The following ACBD6 variants were observed in gnomAD, a reference collection of about 807,000 sequenced individuals.
ACBD6 encodes acyl-CoA binding domain containing 6, also known as acyl-CoA-binding domain-containing protein 6.
Under a neutral mutation model 37.2 loss-of-function variants are expected in ACBD6, and 28 were observed. The ratio of observed to expected loss-of-function variants is 0.75; its 90% CI spans 0.56 to 1.03. The LOEUF (loss-of-function observed/expected upper bound fraction) is 1.03. Among genes scored for constraint, ACBD6 ranks in the 50% least tolerant of loss-of-function variants. The probability of loss-of-function intolerance (pLI) is 0.00; values close to 1 mark genes in which losing one functional copy is unlikely to be tolerated. For synonymous variants in ACBD6, 113 were observed against 126.8 expected (o/e 0.89, Z 0.73); for missense variants, 340 against 337.4 (o/e 1.01, Z -0.06).
chr1:180,408,250 T>C (rs1036258414), intron 5 of ACBD6, among the ~76,000 whole-genome samples: 2 of 152,210 alleles, frequency 1.3e-5, no homozygotes, highest in Non-Finnish European at 2.9e-5. Context: ...ATAGTCATAA[T>C]AATATTAATA....
intron 3 of ACBD6, among the ~76,000 whole-genome samples, chr1:180,477,367 C>T (rs1359221128): frequency 2.0e-5 from 3 of 152,168 alleles, no homozygotes; most frequent in Non-Finnish European, 4.4e-5. Flanking sequence ...AGCATACACA[C>T]AAGCATTAAG....
chr1:180,470,239 A>G (rs1650506832), intron 3 of ACBD6, among the ~76,000 whole-genome samples: 1 of 152,168 alleles, frequency 6.6e-6, no homozygotes, highest in Non-Finnish European at 1.5e-5. Flanking sequence ...ATAAAATCAA[A>G]GACACCCAAC....
intron 3 of ACBD6, among the ~76,000 whole-genome samples, chr1:180,463,678 A>G (rs1373315237): frequency 6.6e-6 from 1 of 152,222 alleles, no homozygotes; most frequent in Admixed American, 6.5e-5. Context: ...AAAAACTGAA[A>G]AGGAGGGAGT....
At chr1:180,419,836 T>G (rs539234337) in intron 4 of ACBD6, among the ~76,000 whole-genome samples, 3 of 152,330 alleles carry the variant, frequency 2.0e-5, no homozygotes, top group Non-Finnish European at 1.5e-5. Flanking sequence ...TCTTGCTGTC[T>G]CAGCACTGGC....
chr1:180,434,670 T>A (rs1648949374), intron 3 of ACBD6: 1 of 403,462 alleles, frequency 2.5e-6, no homozygotes, highest in African/African-American at 2.1e-5. Context: ...CTACCTATGA[T>A]AAGTCACTGC....
In ACBD6 at chr1:180,372,346, C is replaced by T. The variant is rs114753054; in HGVS notation, c.663+25170G>A. Among the ~76,000 whole-genome samples the T allele has an allele frequency of 5.5e-3, 836 of 152,236 alleles. 7 individuals are homozygous for T. The highest frequency in any genetic ancestry group is 0.019 in the African/African-American group (789 of 41,544). On this transcript the variant is annotated intron_variant, in intron 6 of 7. Transcript: ENST00000367595. ...TGAAGTAGATTAAATAAGTTACAGA[C>T]ATCATGACATCTTGTCTCTAAATAT... is the stretch of plus-strand genomic sequence containing the variant.
At chr1:180,453,311 A>C (rs1324236937) in intron 3 of ACBD6, among the ~76,000 whole-genome samples, 1 of 152,256 alleles carries the variant, frequency 6.6e-6, no homozygotes, top group East Asian at 1.9e-4. Context: ...ACCAATGACA[A>C]AAACCACATG....
chr1:180,373,312 T>G (rs1229768555), intron 6 of ACBD6, among the ~76,000 whole-genome samples: 1 of 152,214 alleles, frequency 6.6e-6, no homozygotes, highest in Non-Finnish European at 1.5e-5. Context: ...TTTTAGCACT[T>G]TGCTGCTATT....
chr1:180,473,444 C>T, intron 3 of ACBD6, among the ~76,000 whole-genome samples: 1 of 101,858 alleles, frequency 9.8e-6, no homozygotes, highest in Non-Finnish European at 1.9e-5. Flanking sequence ...GAGACTCCGT[C>T]TCAAAAAAAA....
chr1:180,286,271 C>CT (rs746301839), downstream of ACBD6, among the ~76,000 whole-genome samples: 31 of 152,102 alleles, frequency 2.0e-4, no homozygotes, highest in South Asian at 4.6e-3. Flanking sequence ...AATTTGAAAC[C>CT]TTTAAAATAA....
chr1:180,435,946 G>T, intron 3 of ACBD6: 1 of 1,224,094 alleles, frequency 8.2e-7, no homozygotes, highest in South Asian at 1.2e-5. Flanking sequence ...AAGCATAAAT[G>T]AATACTGTAC....
intron 1 of ACBD6, among the ~76,000 whole-genome samples, chr1:180,495,858 GT>G (rs1651716769): frequency 6.6e-6 from 1 of 152,086 alleles, no homozygotes. Context: ...TTATTACCAT[GT>G]ATAAAGTAAA....
rs944506984 is a variant in ACBD6, at chr1:180,300,397, A to G, written c.695-11880T>C. Among the ~76,000 whole-genome samples the G allele has an allele frequency of 2.0e-5, 3 of 152,328 alleles. No individual in the cohort carries two copies. The South Asian group carries it at 6.2e-4, about 32-fold the overall frequency. ...AATAGGTGCTTAATAAATCATTATT[A>G]TTATTATTACATGCAAGACTGTTTT... On this transcript the variant is annotated intron_variant, in intron 7 of 7. Transcript: ENST00000367595.
At position 180,318,574 on chromosome 1, in the gene ACBD6, T is replaced by C. The variant is rs571544282; in HGVS notation, c.664-3852A>G. On this transcript the variant is annotated intron_variant, in intron 6 of 7. Coordinates refer to ENST00000367595, the MANE Select transcript of ACBD6 (RefSeq NM_032360.4). Reference sequence around the variant, plus strand: ...TTTTGTTTCTGTCAAGCATCCCAGATATATTATCAGCTTAAGATCACTTAG... The same window carrying C: ...TTTTGTTTCTGTCAAGCATCCCAGACATATTATCAGCTTAAGATCACTTAG... Among the ~76,000 whole-genome samples, 3 of 152,340 alleles carry C rather than the reference T, an allele frequency of 2.0e-5. No homozygotes were observed. In the South Asian group the frequency reaches 6.2e-4, roughly 32 times the overall value.
At chr1:180,361,281 T>TC (rs1170865550) in intron 6 of ACBD6, among the ~76,000 whole-genome samples, 2 of 144,812 alleles carry the variant, frequency 1.4e-5, no homozygotes, top group Non-Finnish European at 3.0e-5. Context: ...TTTCCTTTTT[T>TC]TTTTTTTTTT....
chr1:180,376,672 T>C (rs145384343), intron 6 of ACBD6, among the ~76,000 whole-genome samples: 126 of 151,398 alleles, frequency 8.3e-4, no homozygotes, highest in African/African-American at 2.9e-3. Context: ...AAAAGATAAA[T>C]CAGAAACAAA....
chr1:180,315,629 T>TA (rs1650767932), intron 6 of ACBD6, among the ~76,000 whole-genome samples: 1 of 152,152 alleles, frequency 6.6e-6, no homozygotes, highest in Admixed American at 6.5e-5. Context: ...CAGCTGAATG[T>TA]AGGGGTGGAG....
chr1:180,363,500 C>T (rs532899413), intron 6 of ACBD6, among the ~76,000 whole-genome samples: 11 of 151,634 alleles, frequency 7.3e-5, no homozygotes, highest in Admixed American at 1.3e-4. Flanking sequence ...TTTTGTTTTA[C>T]GAAATGTTAA....
At chr1:180,427,511 T>C (rs552762636) in intron 4 of ACBD6, among the ~76,000 whole-genome samples, 3 of 152,304 alleles carry the variant, frequency 2.0e-5, no homozygotes, top group South Asian at 2.1e-4. Context: ...CAAGCATAAT[T>C]TGATTACATA....
Sources: gnomAD v4.1 joint callset for allele counts (sites outside exome capture counted in the v4.1 genomes callset) on GRCh38, gnomAD v4.1.1 for gene constraint, MANE v1.5 for transcripts, NCBI Gene and HGNC (gene_info 2026-07-23, HGNC 2026-07-21) for gene names.